Variants in MSR1 observed in about 807,000 individuals in gnomAD.
The protein encoded by MSR1 is macrophage scavenger receptor 1.
Under a neutral mutation model 47.2 loss-of-function variants are expected in MSR1, and 53 were observed. The observed-to-expected ratio is 1.12, with a 90% CI of 0.90 to 1.41. MSR1 has a LOEUF of 1.41. Ranked by LOEUF, MSR1 falls within the 40% of genes most tolerant of loss-of-function variation. The probability of loss-of-function intolerance (pLI) is 0.00; values close to 1 mark genes in which losing one functional copy is unlikely to be tolerated. For missense variants in MSR1, 786 were observed against 546.9 expected (o/e 1.44, Z -4.36); for synonymous variants, 239 against 185.6 (o/e 1.29, Z -2.34).
chr8:16,134,012 C>T (rs986007897), intron 8 of MSR1, among the ~76,000 whole-genome samples: 6 of 152,114 alleles, frequency 3.9e-5, no homozygotes, highest in Admixed American at 6.5e-5. Context: ...CACAAATTGA[C>T]GTGGATAGTC....
intron 9 of MSR1, among the ~76,000 whole-genome samples, chr8:16,116,658 T>A (rs1229183789): frequency 6.6e-6 from 1 of 152,134 alleles, no homozygotes; most frequent in Non-Finnish European, 1.5e-5. Flanking sequence ...TACCAGTTCT[T>A]TAGACCAGAA....
Position 16,189,851 on chromosome 8 carries a change from C to G in MSR1, c.-5+2747G>C, listed in dbSNP as rs1185174890. Among the ~76,000 whole-genome samples, 40 of 142,824 alleles carry G rather than the reference C, an allele frequency of 2.8e-4. 1 individual carries two copies. Among genetic ancestry groups the G allele is most frequent in the African/African-American group, 9.9e-4 (38 of 38,554 alleles). 93.7% of individuals were successfully genotyped at this position (142,824 alleles called of 152,430 possible). Reference sequence around the variant, plus strand: ...CTAAAATATAATTTTTTCTTTTAAACTTTTTTTCCTTTTCCCAGGGGGCAA... The same window carrying G: ...CTAAAATATAATTTTTTCTTTTAAAGTTTTTTTCCTTTTCCCAGGGGGCAA... On this transcript the variant is annotated intron_variant, in intron 1 of 9. Transcript: ENST00000262101.
Position 16,175,260 on chromosome 8 carries a change from G to T in MSR1, c.144C>A (p.Ser48=). Residue 48 remains serine (S), a synonymous_variant, in exon 3 of 10, where the codon TCC becomes TCA. Transcript: ENST00000262101. The part of the protein sequence containing the change: ...NSPSLQEKLK[S]FKAALIALYL... The stretch of plus-strand genomic sequence containing the variant: ...AAAGGGCAATCAGTGCAGCTTTGAA[G>T]GACTTCAGTTTCTCTTGAAGGGAAG... 6.2e-7 allele frequency: 1 copy of T among 1,614,040 alleles called. No homozygotes were observed. The highest frequency in any genetic ancestry group is 8.5e-7 in the Non-Finnish European group (1 of 1,179,984).
chr8:16,137,986 T>C lies in MSR1; in HGVS notation c.1033+5572A>G, dbSNP rs191703486. ...CAACCTGTGCAACAGAGCAAGACTC[T>C]GTCTCTTAAAAAAAGATAAAGGAAA... is the stretch of plus-strand genomic sequence containing the variant. On this transcript the variant is annotated intron_variant, in intron 8 of 9. Coordinates refer to ENST00000262101, the MANE Select transcript of MSR1 (RefSeq NM_138715.3). Among the ~76,000 whole-genome samples the C allele has an allele frequency of 1.7e-3, 254 of 151,160 alleles. 2 individuals are homozygous for C. The highest frequency in any genetic ancestry group is 0.012 in the South Asian group (56 of 4,752).
intron 4 of MSR1, among the ~76,000 whole-genome samples, chr8:16,166,936 TACACACAC>T (rs5889636): frequency 3.6e-4 from 53 of 147,072 alleles, no homozygotes; most frequent in Admixed American, 5.5e-4. Context: ...TACACAGGAG[TACACACAC>T]ACACACACAC....
intron 6 of MSR1, among the ~76,000 whole-genome samples, chr8:16,151,256 G>A (rs1201780875): frequency 6.6e-6 from 1 of 152,040 alleles, no homozygotes; most frequent in East Asian, 1.9e-4. Flanking sequence ...GACTTCTCAA[G>A]TACCTCACAG....
At chr8:16,134,840 T>C (rs1232813826) in intron 8 of MSR1, among the ~76,000 whole-genome samples, 7 of 152,290 alleles carry the variant, frequency 4.6e-5, no homozygotes, top group African/African-American at 1.7e-4. Flanking sequence ...TTATTGCCGA[T>C]ATAAAGTTTT....
chr8:16,160,107 G>A (rs901767607), intron 5 of MSR1, among the ~76,000 whole-genome samples: 3 of 151,992 alleles, frequency 2.0e-5, no homozygotes, highest in Admixed American at 2.0e-4. Flanking sequence ...GTCTAATGAC[G>A]GGGCAACAGA....
At chr8:16,146,110 C>T (rs1343432436) in intron 7 of MSR1, among the ~76,000 whole-genome samples, 1 of 152,048 alleles carries the variant, frequency 6.6e-6, no homozygotes, top group Non-Finnish European at 1.5e-5. Context: ...GACATTTCTG[C>T]TTACATGCCT....
intron 6 of MSR1, 82 bp from the exon 7 acceptor site, chr8:16,150,393 A>G: frequency 1.6e-6 from 1 of 625,744 alleles, no homozygotes; most frequent in Non-Finnish European, 2.6e-6. Flanking sequence ...ATCTAGTTTT[A>G]TAAGTGAATA....
At chr8:16,157,623 T>A (rs1801047004) in intron 5 of MSR1, among the ~76,000 whole-genome samples, 1 of 152,116 alleles carries the variant, frequency 6.6e-6, no homozygotes, top group South Asian at 2.1e-4. Context: ...AATAAATGTT[T>A]TAAGTGTCTT....
chr8:16,121,366 A>G (rs1196089643), intron 8 of MSR1, among the ~76,000 whole-genome samples: 1 of 152,116 alleles, frequency 6.6e-6, no homozygotes, highest in African/African-American at 2.4e-5. Flanking sequence ...TGTACAATAA[A>G]CTTTTGTAAA....
At position 16,168,768 on chromosome 8, in the gene MSR1, T is replaced by C; in HGVS notation, c.320A>G (p.Glu107Gly). 2 of 1,614,162 alleles carry C rather than the reference T, an allele frequency of 1.2e-6. No individual in the cohort carries two copies. Among genetic ancestry groups the C allele is most frequent in the Non-Finnish European group, 1.7e-6 (2 of 1,180,008 alleles). ...LTGKGNDSEE[E>G]MRFQEVFMEH... ...CATAAAGACTTCTTGAAATCTCATT[T>C]CCTCTTCGCTGTCATTTCCTTTTCC... Residue 107 changes from glutamate (E) to glycine (G), a missense_variant, in exon 4 of 10, where the codon GAA becomes GGA. Coordinates refer to ENST00000262101, the MANE Select transcript of MSR1 (RefSeq NM_138715.3).
At position 16,143,539 on chromosome 8, in the gene MSR1, C is replaced by A. The variant is rs1276282272; in HGVS notation, c.1033+19G>T. The A allele has an allele frequency of 1.2e-6, 2 of 1,608,252 alleles. No individual in the cohort carries two copies. Among genetic ancestry groups the A allele is most frequent in the African/African-American group, 1.3e-5 (1 of 74,898 alleles). ...TTATTACAAGAATTCACACAGAAAA[C>A]AAAATACTATATACTTACTTAATGT... On this transcript the variant is annotated intron_variant, in intron 8 of 9. Transcript: ENST00000262101.
chr8:16,162,749 T>C (rs2117165489), intron 5 of MSR1, among the ~76,000 whole-genome samples: 1 of 152,034 alleles, frequency 6.6e-6, no homozygotes, highest in Middle Eastern at 3.4e-3. Flanking sequence ...GTGGGTTAAC[T>C]TGCAGGTATC....
intron 8 of MSR1, chr8:16,140,417 T>A (rs1800523631): frequency 1.0e-6 from 1 of 985,414 alleles, no homozygotes; most frequent in Admixed American, 6.1e-5. Context: ...GGATTTTTCC[T>A]ATCATTGTAT....
intron 8 of MSR1, chr8:16,140,844 A>G: frequency 6.4e-7 from 1 of 1,571,284 alleles, no homozygotes; most frequent in Non-Finnish European, 8.6e-7. Flanking sequence ...GGACCAGGAG[A>G]GAAGGCCATG....
chr8:16,153,152 G>C (rs1424734643), intron 6 of MSR1, among the ~76,000 whole-genome samples: 1 of 152,022 alleles, frequency 6.6e-6, no homozygotes, highest in Non-Finnish European at 1.5e-5. Flanking sequence ...TGGTCAAGCT[G>C]AGTTTAGTAG....
At chr8:16,178,099 T>TTTTA in intron 1 of MSR1, 107 bp from the exon 2 acceptor site, 1 of 849,474 alleles carries the variant, frequency 1.2e-6, no homozygotes, top group Non-Finnish European at 1.8e-6. Context: ...TCTATTCAGT[T>TTTTA]TTTCTTTTTT....
Sources: allele counts gnomAD v4.1 joint callset (sites outside exome capture counted in the v4.1 genomes callset), GRCh38; gene constraint gnomAD v4.1.1; transcripts MANE v1.5; gene names NCBI Gene and HGNC (gene_info 2026-07-23, HGNC 2026-07-21).